Variants in WWOX observed in about 807,000 individuals in gnomAD.
WWOX encodes the protein WW domain containing oxidoreductase, also known as WW domain-containing oxidoreductase.
WWOX carries 69 observed loss-of-function variants against 46.2 expected under a neutral mutation model. That is an observed-to-expected ratio of 1.49 (90% CI 1.23 to 1.82). The LOEUF (loss-of-function observed/expected upper bound fraction) is 1.82, where lower values mean the gene tolerates loss of function less well. WWOX is among the 40% of genes most tolerant of loss of function. The pLI is 0.00. For synonymous variants in WWOX, 359 were observed against 202.6 expected, an observed-to-expected ratio of 1.77 and a Z score of -6.56; for missense variants, 919 against 542.6, an observed-to-expected ratio of 1.69 and a Z score of -6.89.
At chr16:78,791,980 G>A (rs1001907479) in intron 8 of WWOX, among the ~76,000 whole-genome samples, 26 of 152,134 alleles carry the variant, frequency 1.7e-4, no homozygotes, top group African/African-American at 6.3e-4. Flanking sequence ...GTTTTTTTAA[G>A]GGAGGAAATT....
intron 8 of WWOX, among the ~76,000 whole-genome samples, chr16:79,181,477 G>T (rs867717763): frequency 1.3e-5 from 2 of 152,108 alleles, no homozygotes; most frequent in Non-Finnish European, 2.9e-5. Flanking sequence ...CAAAGGTCAG[G>T]TGACATAATT....
chr16:79,055,629 C>G (rs1039681742), intron 8 of WWOX, among the ~76,000 whole-genome samples: 1 of 152,166 alleles, frequency 6.6e-6, no homozygotes, highest in Non-Finnish European at 1.5e-5. Flanking sequence ...TAAACAATTG[C>G]TATTTTTTAA....
intron 8 of WWOX, among the ~76,000 whole-genome samples, chr16:78,813,383 A>G (rs1299233491): frequency 6.6e-6 from 1 of 152,088 alleles, no homozygotes; most frequent in South Asian, 2.1e-4. Flanking sequence ...TTCAAGTGCT[A>G]GATTAATAAC....
At chr16:78,938,383 A>G (rs531943110) in intron 8 of WWOX, among the ~76,000 whole-genome samples, 1 of 152,156 alleles carries the variant, frequency 6.6e-6, no homozygotes, top group Non-Finnish European at 1.5e-5. Context: ...TGGGATGGTG[A>G]TATTTATCAA....
At chr16:78,999,449 A>G (rs918970204) in intron 8 of WWOX, among the ~76,000 whole-genome samples, 1 of 152,164 alleles carries the variant, frequency 6.6e-6, no homozygotes, top group African/African-American at 2.4e-5. Context: ...CAGCCTGGGC[A>G]GCAGGAGCGA....
intron 8 of WWOX, among the ~76,000 whole-genome samples, chr16:78,674,512 T>C: frequency 6.6e-6 from 1 of 152,106 alleles, no homozygotes; most frequent in East Asian, 1.9e-4. Flanking sequence ...CTCAAACTCC[T>C]GACGTCAGGT....
chr16:78,680,374 C>G (rs1263822363), intron 8 of WWOX, among the ~76,000 whole-genome samples: 2 of 151,906 alleles, frequency 1.3e-5, no homozygotes, highest in Admixed American at 6.6e-5. Context: ...AAAGACCTAT[C>G]TCTACAAAAA....
At chr16:79,050,663 C>T (rs2048149369) in intron 8 of WWOX, among the ~76,000 whole-genome samples, 2 of 152,128 alleles carry the variant, frequency 1.3e-5, no homozygotes, top group South Asian at 2.1e-4. Context: ...ATTTTAAGAA[C>T]AGGAGTGACA....
chr16:78,123,447 T>TTGTTTTG (rs1567584494), intron 4 of WWOX: 2 of 26,100 alleles, frequency 7.7e-5, no homozygotes, highest in Admixed American at 5.5e-4. Context: ...TTTGTTTTTT[T>TTGTTTTG]TTTTTTTGTT....
In WWOX at chr16:78,531,075, A is replaced by G. The variant is rs181276346; in HGVS notation, c.1056+98323A>G. Among the ~76,000 whole-genome samples the G allele has an allele frequency of 5.4e-3, 821 of 152,102 alleles. 9 individuals are homozygous for G. The highest frequency in any genetic ancestry group is 0.019 in the African/African-American group (794 of 41,482). ...TTTTATTAATGCTGATTACTTTTTG[A>G]TTTGGTTTGGTTCTTTGGAGTTGTT... On this transcript the variant is annotated intron_variant, in intron 8 of 8. Coordinates refer to ENST00000566780, the MANE Select transcript of WWOX (RefSeq NM_016373.4).
At chr16:78,714,190 T>G (rs907104329) in intron 8 of WWOX, among the ~76,000 whole-genome samples, 1 of 152,194 alleles carries the variant, frequency 6.6e-6, no homozygotes. Flanking sequence ...TATATTAGTC[T>G]ATTCTCACAC....
At chr16:79,002,442 C>G (rs942758806) in intron 8 of WWOX, among the ~76,000 whole-genome samples, 2 of 151,898 alleles carry the variant, frequency 1.3e-5, no homozygotes, top group Non-Finnish European at 2.9e-5. Context: ...AGGCTGCTCT[C>G]GAACTCCTGA....
chr16:78,451,637 G>C (rs549212277), intron 8 of WWOX, among the ~76,000 whole-genome samples: 5 of 152,290 alleles, frequency 3.3e-5, no homozygotes, highest in South Asian at 2.1e-4. Flanking sequence ...TCTTTGGGCT[G>C]TTGGTGGGAG....
chr16:78,266,876 C>G (rs2079377285), intron 5 of WWOX, among the ~76,000 whole-genome samples: 1 of 147,284 alleles, frequency 6.8e-6, no homozygotes, highest in Admixed American at 7.0e-5. Context: ...GGCTGTGTCC[C>G]CATCCAAATC....
intron 8 of WWOX, among the ~76,000 whole-genome samples, chr16:78,445,949 C>G (rs974082343): frequency 6.6e-6 from 1 of 152,098 alleles, no homozygotes; most frequent in African/African-American, 2.4e-5. Context: ...ATGAGCCTAG[C>G]CTTTGCTGTG....
At chr16:78,214,240 G>C (rs532690074) in intron 5 of WWOX, among the ~76,000 whole-genome samples, 1 of 152,190 alleles carries the variant, frequency 6.6e-6, no homozygotes, top group Non-Finnish European at 1.5e-5. Flanking sequence ...GTGCTTTCAA[G>C]ATCAGACCGA....
intron 8 of WWOX, among the ~76,000 whole-genome samples, chr16:79,080,271 T>G (rs1156815857): frequency 1.3e-5 from 2 of 152,218 alleles, no homozygotes; most frequent in Non-Finnish European, 2.9e-5. Context: ...GGAGTCCTTT[T>G]CTCTGTCTCT....
chr16:78,625,179 C>G (rs904248222), intron 8 of WWOX, among the ~76,000 whole-genome samples: 1 of 152,208 alleles, frequency 6.6e-6, no homozygotes, highest in Non-Finnish European at 1.5e-5. Context: ...GATCCTTTGA[C>G]AACTCAGCTT....
intron 8 of WWOX, among the ~76,000 whole-genome samples, chr16:78,678,803 A>T (rs116481427): frequency 6.6e-6 from 1 of 152,220 alleles, no homozygotes; most frequent in African/African-American, 2.4e-5. Context: ...AGTGCTTTAC[A>T]TGCATCCCCT....
Sources: gnomAD v4.1 joint callset for allele counts (sites outside exome capture counted in the v4.1 genomes callset) on GRCh38, gnomAD v4.1.1 for gene constraint, MANE v1.5 for transcripts, NCBI Gene and HGNC (gene_info 2026-07-23, HGNC 2026-07-21) for gene names.